SPATA17: variants seen among roughly 807,000 people sequenced by gnomAD.
The protein encoded by SPATA17 is spermatogenesis associated 17.
Under a neutral mutation model 62.2 loss-of-function variants are expected in SPATA17, and 53 were observed. That is an observed-to-expected ratio of 0.85 (90% CI 0.68 to 1.07). SPATA17 has a LOEUF of 1.07. Among genes scored for constraint, SPATA17 ranks in the 50% least tolerant of loss-of-function variants. SPATA17 has a pLI of 0.00. For synonymous variants in SPATA17, 146 were observed against 146.8 expected (o/e 0.99, Z 0.04); for missense variants, 466 against 425.5 (o/e 1.10, Z -0.84).
chr1:217,863,965 A>G (rs1675950004), intron 10 of SPATA17, among the ~76,000 whole-genome samples: 1 of 152,132 alleles, frequency 6.6e-6, no homozygotes, highest in Non-Finnish European at 1.5e-5. Context: ...AGTTCCTTCG[A>G]TTTTATGTTA....
intron 3 of SPATA17, among the ~76,000 whole-genome samples, chr1:217,668,163 G>T (rs1163002347): frequency 6.6e-6 from 1 of 152,134 alleles, no homozygotes; most frequent in Admixed American, 6.5e-5. Flanking sequence ...GAATAAAAAT[G>T]GATAAAGTTG....
At chr1:217,763,721 G>A (rs567553579) in intron 6 of SPATA17, among the ~76,000 whole-genome samples, 2 of 152,280 alleles carry the variant, frequency 1.3e-5, no homozygotes, top group South Asian at 4.1e-4. Context: ...GCTTGGACAA[G>A]GATGGTGGCC....
Position 217,683,321 on chromosome 1 carries a change from G to C in SPATA17, c.355G>C (p.Glu119Gln). 1.2e-6 allele frequency: 2 copies of C among 1,610,030 alleles called. No homozygotes were observed. Among genetic ancestry groups the C allele is most frequent in the Non-Finnish European group, 1.7e-6 (2 of 1,178,154 alleles). Residue 119 changes from glutamate to glutamine, a missense_variant, in exon 5 of 11, where the codon GAG (glutamate) becomes CAG (glutamine). Glu to Gln is a conservative substitution (Grantham distance 29). Coordinates refer to ENST00000366933, the MANE Select transcript of SPATA17 (RefSeq NM_138796.4). The stretch of plus-strand genomic sequence containing the variant: ...CCTCTTTAATTATTATTATTTGAAA[G>C]AGTACCTGAAAGTCGTTTCAGAGAC... Reference protein sequence around the residue: ...KYLFNYYYLKEYLKVVSETND... With the variant: ...KYLFNYYYLKQYLKVVSETND...
chr1:217,693,380 C>A (rs1312734958), intron 5 of SPATA17, among the ~76,000 whole-genome samples: 1 of 112,346 alleles, frequency 8.9e-6, no homozygotes, highest in Admixed American at 9.6e-5. Context: ...ATTCTTCTCT[C>A]TTTTTTTCTT....
intron 6 of SPATA17, among the ~76,000 whole-genome samples, chr1:217,761,089 TAACTCTTG>T (rs1446310476): frequency 6.6e-6 from 1 of 152,076 alleles, no homozygotes; most frequent in Non-Finnish European, 1.5e-5. Flanking sequence ...CTACTGAAAA[TAACTCTTG>T]GTAAGGCCAC....
intron 5 of SPATA17, among the ~76,000 whole-genome samples, chr1:217,721,471 T>G (rs1450817856): frequency 6.6e-6 from 1 of 152,190 alleles, no homozygotes; most frequent in East Asian, 1.9e-4. Context: ...CAACTTAATT[T>G]GGGTCTGGTG....
intron 3 of SPATA17, among the ~76,000 whole-genome samples, chr1:217,652,538 T>A (rs908015801): frequency 4.0e-5 from 6 of 149,946 alleles, no homozygotes; most frequent in Non-Finnish European, 7.4e-5. Flanking sequence ...CCGGCCAAAC[T>A]TTTTTTTTTC....
chr1:217,744,185 G>A lies in SPATA17; in HGVS notation c.519+2087G>A, dbSNP rs1237788835. On this transcript the variant is annotated intron_variant, in intron 6 of 10. Transcript: ENST00000366933. Reference sequence around the variant, plus strand: ...CTGGTTTGACAAAGAATTTTCGGCCGGGCGCGGTGGCTCACGCCTGTAATC... The same window carrying A: ...CTGGTTTGACAAAGAATTTTCGGCCAGGCGCGGTGGCTCACGCCTGTAATC... 6.4e-5 allele frequency among the ~76,000 whole-genome samples: 3 copies of A among 47,196 alleles called. 1 individual carries two copies. The highest frequency in any genetic ancestry group is 9.7e-5 in the African/African-American group (2 of 20,548). 31.0% of individuals were successfully genotyped at this position (47,196 alleles called of 152,430 possible). A position where few individuals can be genotyped will look rare whatever the true frequency, so the allele number is the denominator to read the frequency against.
At chr1:217,667,316 G>C (rs1054770953) in intron 3 of SPATA17, among the ~76,000 whole-genome samples, 13 of 151,838 alleles carry the variant, frequency 8.6e-5, no homozygotes, top group Admixed American at 5.2e-4. Context: ...CAAAGTGCTG[G>C]GATTACAGGC....
chr1:217,857,134 C>A (rs1435288038), intron 9 of SPATA17, among the ~76,000 whole-genome samples: 1 of 152,098 alleles, frequency 6.6e-6, no homozygotes, highest in African/African-American at 2.4e-5. Flanking sequence ...TCTCTCTAAT[C>A]TCAAAAGTTT....
intron 9 of SPATA17, among the ~76,000 whole-genome samples, chr1:217,827,715 A>G (rs2103000117): frequency 6.6e-6 from 1 of 152,278 alleles, no homozygotes; most frequent in East Asian, 1.9e-4. Context: ...AAAAGGAATG[A>G]GATCATGTCC....
In SPATA17 at chr1:217,862,837, G is replaced by C. The variant is rs746149650; in HGVS notation, c.1069G>C (p.Ala357Pro). ...AAAGTATGGAAAATTATATTCAAAAGCTGGACAGATTGTATAAAGGTATGA... is the reference window on the plus strand; with the variant it reads ...AAAGTATGGAAAATTATATTCAAAACCTGGACAGATTGTATAAAGGTATGA... ...FSKYGKLYSK[A>P]GQIV Residue 357 changes from alanine to proline, a missense_variant, in exon 10 of 11, where the codon GCT (alanine) becomes CCT (proline). Transcript: ENST00000366933. The C allele has an allele frequency of 6.2e-7, 1 of 1,607,830 alleles. No individual in the cohort carries two copies. The highest frequency in any genetic ancestry group is 1.1e-5 in the South Asian group (1 of 90,260).
intron 6 of SPATA17, among the ~76,000 whole-genome samples, chr1:217,761,500 A>T (rs888809651): frequency 3.9e-5 from 6 of 152,126 alleles, no homozygotes; most frequent in Non-Finnish European, 7.3e-5. Flanking sequence ...CTCCACATCA[A>T]CATTTATCAG....
intron 9 of SPATA17, among the ~76,000 whole-genome samples, chr1:217,820,246 A>G (rs1353985493): frequency 6.6e-6 from 1 of 152,088 alleles, no homozygotes; most frequent in Non-Finnish European, 1.5e-5. Context: ...GAGAGTTAAA[A>G]GGTTTTAAGC....
At chr1:217,816,143 A>T (rs887310194) in intron 9 of SPATA17, among the ~76,000 whole-genome samples, 1 of 152,054 alleles carries the variant, frequency 6.6e-6, no homozygotes, top group Non-Finnish European at 1.5e-5. Flanking sequence ...AAATTTATAG[A>T]TTAATATAGG....
intron 6 of SPATA17, among the ~76,000 whole-genome samples, chr1:217,768,461 A>G (rs1342430278): frequency 6.7e-6 from 1 of 149,344 alleles, no homozygotes; most frequent in East Asian, 2.0e-4. Context: ...GGTCTTGAAT[A>G]CCTTTCTTTT....
chr1:217,798,117 C>A (rs1396255392), intron 8 of SPATA17, among the ~76,000 whole-genome samples: 1 of 152,126 alleles, frequency 6.6e-6, no homozygotes, highest in African/African-American at 2.4e-5. Flanking sequence ...GACATAATTC[C>A]TACTTTATGT....
intron 3 of SPATA17, among the ~76,000 whole-genome samples, chr1:217,661,456 T>C (rs1670566796): frequency 6.6e-6 from 1 of 152,156 alleles, no homozygotes; most frequent in African/African-American, 2.4e-5. Context: ...ATAATTCTCA[T>C]GGTGACATCA....
rs1676107017 is a variant in SPATA17 at position 217,870,424 on chromosome 1, TG to T, written c.*3406del. 6.6e-6 allele frequency: 1 copy of T among 152,160 alleles called. No individual in the cohort carries two copies. Among genetic ancestry groups the T allele is most frequent in the Non-Finnish European group, 1.5e-5 (1 of 68,026 alleles). The allele number at this position is 152,160 out of a possible 1,614,324, so 9.4% of individuals were successfully genotyped here. ...TATGATAACTACAGAGGTGTCCAGA[TG>T]AGTAAAAACTGCCTTTGCATTAAGG... is the stretch of plus-strand genomic sequence containing the variant. On this transcript the variant is annotated 3_prime_UTR_variant, in exon 11 of 11. Coordinates refer to ENST00000366933, the MANE Select transcript of SPATA17 (RefSeq NM_138796.4).
Sources: gnomAD v4.1 joint callset for allele counts (sites outside exome capture counted in the v4.1 genomes callset) on GRCh38, gnomAD v4.1.1 for gene constraint, MANE v1.5 for transcripts, NCBI Gene and HGNC (gene_info 2026-07-23, HGNC 2026-07-21) for gene names.